Variants in CARMIL1 observed in about 807,000 individuals in gnomAD.
CARMIL1 encodes capping protein regulator and myosin 1 linker 1.
CARMIL1 carries 90 observed loss-of-function variants against 177.1 expected under a neutral mutation model. The ratio of observed to expected loss-of-function variants is 0.51; its 90% CI spans 0.43 to 0.61. The LOEUF is 0.61. CARMIL1 is among the 20% of genes least tolerant of loss of function. The pLI, the probability that CARMIL1 is intolerant of heterozygous loss-of-function variation, is 0.00. For missense variants in CARMIL1, 1,380 were observed against 1,667.0 expected, an observed-to-expected ratio of 0.83 and a Z score of 3.00; for synonymous variants, 577 against 606.2, an observed-to-expected ratio of 0.95 and a Z score of 0.71.
At chr6:25,481,073 C>G (rs1051737743) in intron 11 of CARMIL1, among the ~76,000 whole-genome samples, 2 of 151,964 alleles carry the variant, frequency 1.3e-5, no homozygotes, top group East Asian at 1.9e-4. Flanking sequence ...TGTCTTCCCC[C>G]CTTTCCCACA....
At chr6:25,292,406 C>T (rs1323165325) in intron 2 of CARMIL1, among the ~76,000 whole-genome samples, 2 of 152,160 alleles carry the variant, frequency 1.3e-5, no homozygotes, top group Non-Finnish European at 2.9e-5. Context: ...GGCATAAATT[C>T]TGGGAACCTC....
At chr6:25,449,044 G>A (rs905004087) in intron 5 of CARMIL1, among the ~76,000 whole-genome samples, 11 of 151,566 alleles carry the variant, frequency 7.3e-5, no homozygotes, top group African/African-American at 2.7e-4. Context: ...GGGACTATAG[G>A]CACATACTAC....
intron 23 of CARMIL1, among the ~76,000 whole-genome samples, chr6:25,524,137 C>T (rs1338990774): frequency 6.6e-6 from 1 of 152,060 alleles, no homozygotes; most frequent in Non-Finnish European, 1.5e-5. Context: ...CTTACCTGAA[C>T]AGGGGAAAGA....
At position 25,380,267 on chromosome 6, in the gene CARMIL1, A is replaced by C. The variant is rs76315175; in HGVS notation, c.139-39847A>C. Among the ~76,000 whole-genome samples the C allele has an allele frequency of 5.6e-4, 85 of 152,364 alleles. 2 individuals carry two copies. In the East Asian group the frequency reaches 0.015, roughly 27 times the overall value. ...TTAGTATTATATGATACTCTAAAGC[A>C]GAAGTCACCAAACTTTTACTCTAAA... On this transcript the variant is annotated intron_variant, in intron 2 of 36. Transcript: ENST00000329474.
intron 29 of CARMIL1, among the ~76,000 whole-genome samples, chr6:25,564,749 AT>A (rs1811410054): frequency 6.6e-6 from 1 of 151,674 alleles, no homozygotes; most frequent in Non-Finnish European, 1.5e-5. Flanking sequence ...TTCTGGCTTC[AT>A]TTTTTTCTTC....
chr6:25,511,331 GA>G (rs1406208388), intron 20 of CARMIL1, among the ~76,000 whole-genome samples: 2 of 152,238 alleles, frequency 1.3e-5, no homozygotes, highest in East Asian at 3.9e-4. Flanking sequence ...TGCTGTCCTT[GA>G]AAATGGATTA....
intron 29 of CARMIL1, among the ~76,000 whole-genome samples, chr6:25,569,198 G>C (rs1170044523): frequency 6.6e-6 from 1 of 152,234 alleles, no homozygotes; most frequent in Non-Finnish European, 1.5e-5. Context: ...AATTTAGAGA[G>C]TGATATCTTG....
chr6:25,594,218 G>T (rs557088251), intron 31 of CARMIL1, among the ~76,000 whole-genome samples, 197 bp from the exon 32 acceptor site: 1 of 152,244 alleles, frequency 6.6e-6, no homozygotes, highest in East Asian at 1.9e-4. Context: ...GGTGTTTATC[G>T]TGCATCCCTC....
Position 25,556,769 on chromosome 6 carries a change from G to C in CARMIL1, c.2661G>C (p.Glu887Asp), listed in dbSNP as rs754146485. 3 of 1,613,592 alleles carry C rather than the reference G, an allele frequency of 1.9e-6. No individual in the cohort carries two copies. In the South Asian group the frequency reaches 3.3e-5, roughly 18 times the overall value. The change falls in exon 29 of 37, where the codon GAG becomes GAC. Residue 887 changes from glutamate to aspartate, a missense_variant. Physicochemically the swap from Glu to Asp is conservative, Grantham distance 45 (BLOSUM62 2). Coordinates refer to ENST00000329474, the MANE Select transcript of CARMIL1 (RefSeq NM_017640.6). The stretch of plus-strand genomic sequence containing the variant: ...AATCCTTAGAGATCGAGCTGGCTGA[G>C]GAGAAGCCAGTTAAACGTTCCATCA... ...QQESLEIELA[E>D]EKPVKRSIIT...
intron 33 of CARMIL1, among the ~76,000 whole-genome samples, chr6:25,602,824 G>A (rs975993583): frequency 1.3e-5 from 2 of 152,022 alleles, no homozygotes; most frequent in Admixed American, 6.5e-5. Flanking sequence ...TTGCGTTGCT[G>A]GCATTTGAGA....
At chr6:25,479,204 T>C (rs201133715) in intron 11 of CARMIL1, 156 of 519,010 alleles carry the variant, frequency 3.0e-4, no homozygotes, top group Non-Finnish European at 4.6e-4. Flanking sequence ...CCTCTACCAC[T>C]TGGAAAAGAT....
intron 26 of CARMIL1, among the ~76,000 whole-genome samples, chr6:25,540,586 G>A (rs1356209081): frequency 1.3e-5 from 2 of 152,104 alleles, no homozygotes; most frequent in East Asian, 3.8e-4. Flanking sequence ...TGAAAAAAAG[G>A]TAAGAAAAGA....
At chr6:25,476,046 C>T (rs574443045) in intron 11 of CARMIL1, among the ~76,000 whole-genome samples, 86 of 152,330 alleles carry the variant, frequency 5.6e-4, no homozygotes, top group African/African-American at 2.0e-3. Flanking sequence ...ACTTCGTCCA[C>T]AATCAACAAA....
intron 17 of CARMIL1, among the ~76,000 whole-genome samples, chr6:25,506,327 G>A (rs4097269): frequency 0.44 from 66,439 of 152,104 alleles, 14,893 homozygotes; most frequent in Middle Eastern, 0.52. Flanking sequence ...CAGGCAGATC[G>A]CTTGAGGTCA....
intron 2 of CARMIL1, among the ~76,000 whole-genome samples, chr6:25,378,237 C>T (rs114501545): frequency 0.041 from 6,238 of 152,314 alleles, 169 homozygotes; most frequent in Middle Eastern, 0.065. Flanking sequence ...CTCATAGCCA[C>T]AGTGTACCAC....
At chr6:25,288,906 AAAGAT>A (rs1377248163) in intron 2 of CARMIL1, among the ~76,000 whole-genome samples, 1 of 152,258 alleles carries the variant, frequency 6.6e-6, no homozygotes, top group Non-Finnish European at 1.5e-5. Flanking sequence ...GCAGAGTGTT[AAAGAT>A]AAATCAGTTT....
At chr6:25,568,581 CAG>C (rs1811775708) in intron 29 of CARMIL1, among the ~76,000 whole-genome samples, 1 of 152,176 alleles carries the variant, frequency 6.6e-6, no homozygotes, top group African/African-American at 2.4e-5. Flanking sequence ...CAAATCAAGA[CAG>C]GGTTTTTATC....
chr6:25,572,203 G>A (rs1002653622), intron 29 of CARMIL1, among the ~76,000 whole-genome samples: 2 of 152,066 alleles, frequency 1.3e-5, no homozygotes, highest in Admixed American at 1.3e-4. Flanking sequence ...CTGTGTTTGT[G>A]TTAGAGATAA....
At chr6:25,480,543 T>C (rs1174904928) in intron 11 of CARMIL1, among the ~76,000 whole-genome samples, 1 of 151,180 alleles carries the variant, frequency 6.6e-6, no homozygotes, top group Non-Finnish European at 1.5e-5. Flanking sequence ...TATCTCTAGG[T>C]GTATCTCTTG....
Sources: gnomAD v4.1 joint callset for allele counts (sites outside exome capture counted in the v4.1 genomes callset) on GRCh38, gnomAD v4.1.1 for gene constraint, MANE v1.5 for transcripts, NCBI Gene and HGNC (gene_info 2026-07-23, HGNC 2026-07-21) for gene names.